The following MCU variants were observed in gnomAD, a reference collection of about 807,000 sequenced individuals.
MCU encodes the protein calcium uniporter protein, mitochondrial.
MCU carries 12 observed loss-of-function variants against 45.2 expected under a neutral mutation model. The observed-to-expected ratio is 0.27, with a 90% CI of 0.17 to 0.43. The LOEUF (loss-of-function observed/expected upper bound fraction) is 0.43, where lower values mean the gene tolerates loss of function less well. Among genes scored for constraint, MCU ranks in the 20% least tolerant of loss-of-function variants. The pLI is 1.00. For synonymous variants in MCU, 160 were observed against 165.1 expected (o/e 0.97, Z 0.24); for missense variants, 324 against 436.7 (o/e 0.74, Z 2.30).
chr10:72,693,005 A>C (rs1470219788), intron 1 of MCU: 17 of 1,536,162 alleles, frequency 1.1e-5, no homozygotes, highest in Non-Finnish European at 1.5e-5. Context: ...CTACTGTATA[A>C]GCGTGTTCAC....
chr10:72,826,600 GTC>G (rs1218041721), intron 1 of MCU, among the ~76,000 whole-genome samples: 2 of 152,120 alleles, frequency 1.3e-5, no homozygotes, highest in Admixed American at 1.3e-4. Context: ...AAACTGAACT[GTC>G]TATCAAAAAG....
intron 6 of MCU, among the ~76,000 whole-genome samples, chr10:72,874,997 A>G (rs1214069585): frequency 6.6e-6 from 1 of 152,204 alleles, no homozygotes; most frequent in African/African-American, 2.4e-5. Context: ...TACATCTAGT[A>G]ACATAAGTAC....
At chr10:72,743,035 GGA>G (rs369440946) in intron 1 of MCU, among the ~76,000 whole-genome samples, 2 of 146,906 alleles carry the variant, frequency 1.4e-5, no homozygotes, top group African/African-American at 2.5e-5. Flanking sequence ...AGGGTGAGGG[GGA>G]GAGAGAGAGA....
intron 1 of MCU, among the ~76,000 whole-genome samples, chr10:72,771,786 T>G (rs6480642): frequency 0.63 from 95,121 of 151,886 alleles, 31,295 homozygotes; most frequent in African/African-American, 0.72. Context: ...AGCCTTGCAT[T>G]CATTAGCTAT....
chr10:72,834,390 T>C lies in MCU; in HGVS notation c.182T>C (p.Leu61Ser). ...CAGAGGATCGCTTCCTGGCAGAATT[T>C]GGGAGCTGTTTATTGCAGCACTGTT... ...VHQRIASWQNLGAVYCSTVVP... is the reference protein window; with the variant it reads ...VHQRIASWQNSGAVYCSTVVP... Residue 61 changes from leucine (L) to serine (S), a missense_variant, in exon 2 of 8, where the codon TTG becomes TCG. By Grantham distance (145) the Leu-to-Ser change is moderately radical (BLOSUM62 -2). This residue lies in a region of MCU where 111 missense variants were observed against 112.3 expected (regional missense o/e 0.99). Coordinates refer to ENST00000373053, the MANE Select transcript of MCU (RefSeq NM_138357.3). 1 of 1,613,990 alleles carries C rather than the reference T, an allele frequency of 6.2e-7. No homozygotes were observed. The highest frequency in any genetic ancestry group is 8.5e-7 in the Non-Finnish European group (1 of 1,179,872).
At chr10:72,873,246 C>G (rs1332977016) in intron 6 of MCU, among the ~76,000 whole-genome samples, 4 of 151,942 alleles carry the variant, frequency 2.6e-5, no homozygotes, top group African/African-American at 9.7e-5. Context: ...TCTCGATCTC[C>G]TGACCTCGTG....
At chr10:72,720,728 C>T (rs1039989770) in intron 1 of MCU, among the ~76,000 whole-genome samples, 1 of 152,148 alleles carries the variant, frequency 6.6e-6, no homozygotes, top group Non-Finnish European at 1.5e-5. Flanking sequence ...GAGGAAAGGG[C>T]TTGGATTACA....
chr10:72,881,688 A>C (rs1269095825), intron 6 of MCU, among the ~76,000 whole-genome samples: 1 of 152,252 alleles, frequency 6.6e-6, no homozygotes, highest in Non-Finnish European at 1.5e-5. Flanking sequence ...GACAGACTCC[A>C]CTAGAAAAAA....
chr10:72,709,391 A>G (rs951793940), intron 1 of MCU, among the ~76,000 whole-genome samples: 1 of 152,256 alleles, frequency 6.6e-6, no homozygotes, highest in South Asian at 2.1e-4. Context: ...AATGGAACAA[A>G]TAGTAAAAAT....
chr10:72,736,262 C>T (rs1369724462), intron 1 of MCU, among the ~76,000 whole-genome samples: 1 of 152,028 alleles, frequency 6.6e-6, no homozygotes, highest in Non-Finnish European at 1.5e-5. Context: ...TGGCTGGTGA[C>T]AGTGAAAGTT....
At chr10:72,718,286 A>G (rs1842978534) in intron 1 of MCU, among the ~76,000 whole-genome samples, 3 of 152,162 alleles carry the variant, frequency 2.0e-5, no homozygotes, top group Admixed American at 2.0e-4. Context: ...TTGTTACTTT[A>G]TCTTATTGAT....
rs191431159 is a variant in MCU at position 72,792,439 on chromosome 10, G to T, written c.151-41920G>T. Among the ~76,000 whole-genome samples, 43 of 152,258 alleles carry T rather than the reference G, an allele frequency of 2.8e-4. 1 individual carries two copies. In the East Asian group the frequency reaches 7.9e-3, roughly 28 times the overall value. ...AAAAGAATGTTAAACTGCTTCCTGGGGATGACTCCCTCCAGGCCTCTCAGG... is the reference window on the plus strand; with the variant it reads ...AAAAGAATGTTAAACTGCTTCCTGGTGATGACTCCCTCCAGGCCTCTCAGG... On this transcript the variant is annotated intron_variant, in intron 1 of 7. Coordinates refer to ENST00000373053, the MANE Select transcript of MCU (RefSeq NM_138357.3).
chr10:72,772,886 TAGC>T (rs1843832887), intron 1 of MCU, among the ~76,000 whole-genome samples: 1 of 150,496 alleles, frequency 6.6e-6, no homozygotes, highest in Non-Finnish European at 1.5e-5. Context: ...GAATTCAAAA[TAGC>T]AGGTTTTGTT....
At chr10:72,754,201 A>G (rs1843542347) in intron 1 of MCU, among the ~76,000 whole-genome samples, 1 of 152,156 alleles carries the variant, frequency 6.6e-6, no homozygotes, top group South Asian at 2.1e-4. Flanking sequence ...TTATTTCAGC[A>G]TCTGTGAGCT....
chr10:72,856,116 A>G (rs938368264), intron 2 of MCU, among the ~76,000 whole-genome samples: 1 of 152,204 alleles, frequency 6.6e-6, no homozygotes, highest in African/African-American at 2.4e-5. Context: ...ACATAGGTGA[A>G]TCTCATAATC....
chr10:72,841,848 T>C (rs1322925135), intron 2 of MCU, among the ~76,000 whole-genome samples: 2 of 152,226 alleles, frequency 1.3e-5, no homozygotes, highest in Non-Finnish European at 2.9e-5. Context: ...GGATAAAAAT[T>C]TAAAATCTTC....
intron 2 of MCU, among the ~76,000 whole-genome samples, chr10:72,855,368 A>C (rs916877518): frequency 6.6e-6 from 1 of 152,178 alleles, no homozygotes; most frequent in Non-Finnish European, 1.5e-5. Flanking sequence ...GCTTGAGTCC[A>C]GGAGTTCAAG....
chr10:72,882,891 T>TC lies in MCU; in HGVS notation c.862-1368dup, dbSNP rs562028957. ...TCACGGAACCTACCGACATGTGATG[T>TC]CCCCCCCGGATGCCCAGCTTTAAAA... is the stretch of plus-strand genomic sequence containing the variant. On this transcript the variant is annotated intron_variant, in intron 6 of 7. Coordinates refer to ENST00000373053, the MANE Select transcript of MCU (RefSeq NM_138357.3). 2.0e-4 allele frequency among the ~76,000 whole-genome samples: 30 copies of TC among 152,130 alleles called. No homozygotes were observed. In the East Asian group the frequency reaches 4.4e-3, roughly 23 times the overall value.
At chr10:72,815,501 A>G (rs1397569090) in intron 1 of MCU, among the ~76,000 whole-genome samples, 4 of 152,230 alleles carry the variant, frequency 2.6e-5, no homozygotes, top group Admixed American at 6.5e-5. Context: ...TTTGGTGGAC[A>G]TGTAGGTAGT....
Sources: gnomAD v4.1 joint callset for allele counts (sites outside exome capture counted in the v4.1 genomes callset) on GRCh38, gnomAD v4.1.1 for gene constraint, gnomAD v4.1.1 regional missense constraint, MANE v1.5 for transcripts, NCBI Gene and HGNC (gene_info 2026-07-23, HGNC 2026-07-21) for gene names.